The following SUCLG2 variants were observed in gnomAD, a reference collection of about 807,000 sequenced individuals.
SUCLG2 encodes succinate--CoA ligase [GDP-forming] subunit beta, mitochondrial.
In SUCLG2, 42 loss-of-function variants were observed where a neutral mutation model predicts 47.9. That is an observed-to-expected ratio of 0.88 (90% confidence interval 0.69 to 1.14). SUCLG2 has a LOEUF of 1.14. Among genes scored for constraint, SUCLG2 ranks in the 50% most tolerant of loss-of-function variants. The pLI is 0.00. For synonymous variants in SUCLG2, 195 were observed against 197.3 expected (o/e 0.99, Z 0.10); for missense variants, 571 against 525.9 (o/e 1.09, Z -0.84).
intron 1 of SUCLG2, among the ~76,000 whole-genome samples, chr3:67,654,116 T>C (rs1291856264): frequency 4.6e-5 from 7 of 152,220 alleles, no homozygotes; most frequent in Non-Finnish European, 1.0e-4. Flanking sequence ...TCAGGGTTAG[T>C]GCCAGAAGTT....
intron 2 of SUCLG2, among the ~76,000 whole-genome samples, chr3:67,608,101 C>T (rs1553668822): frequency 6.6e-6 from 1 of 152,184 alleles, no homozygotes; most frequent in Non-Finnish European, 1.5e-5. Context: ...TGCAGAATTA[C>T]AAAGCTGGTA....
In SUCLG2 at chr3:67,654,496, C is replaced by G. The variant is rs968413319; in HGVS notation, c.84+7G>C. ...CTGGCGCCCGCAGCTCCTGCCCCCA[C>G]GCTCACCTGGGACCCGGCCGCCAGG... On this transcript the variant is annotated splice_region_variant and intron_variant, in intron 1 of 10. Transcript: ENST00000307227. The G allele has an allele frequency of 6.5e-6, 8 of 1,236,452 alleles. No individual in the cohort carries two copies. The highest frequency in any genetic ancestry group is 8.1e-6 in the Non-Finnish European group (8 of 989,274). 76.6% of individuals were successfully genotyped at this position (1,236,452 alleles called of 1,614,324 possible).
intron 9 of SUCLG2, among the ~76,000 whole-genome samples, chr3:67,451,889 A>T (rs928784734): frequency 1.1e-4 from 16 of 152,194 alleles, no homozygotes; most frequent in South Asian, 1.0e-3. Context: ...CAATTTCCAT[A>T]GCCCAACCCC....
intron 2 of SUCLG2, among the ~76,000 whole-genome samples, chr3:67,605,108 G>A (rs1700384973): frequency 1.3e-5 from 2 of 152,100 alleles, no homozygotes; most frequent in African/African-American, 2.4e-5. Context: ...CTTTCTCAGT[G>A]TTAGACACAT....
At chr3:67,389,499 C>G (rs969367706) in intron 10 of SUCLG2, among the ~76,000 whole-genome samples, 2 of 152,170 alleles carry the variant, frequency 1.3e-5, no homozygotes, top group African/African-American at 2.4e-5. Flanking sequence ...CCAAAAATAT[C>G]TTGTCACAAA....
At chr3:67,510,735 G>C (rs953677692) in intron 6 of SUCLG2, among the ~76,000 whole-genome samples, 1 of 151,958 alleles carries the variant, frequency 6.6e-6, no homozygotes, top group South Asian at 2.1e-4. Context: ...ATGACCAACT[G>C]CATTGTTTCT....
chr3:67,497,490 T>A (rs1284782286), intron 8 of SUCLG2, among the ~76,000 whole-genome samples: 1 of 152,170 alleles, frequency 6.6e-6, no homozygotes. Flanking sequence ...TAGATGAGTG[T>A]GATAAAATCA....
At chr3:67,563,170 A>G (rs2107220079) in intron 2 of SUCLG2, among the ~76,000 whole-genome samples, 1 of 151,832 alleles carries the variant, frequency 6.6e-6, no homozygotes, top group Admixed American at 6.6e-5. Context: ...ATGTCCCAAT[A>G]CCACAGAATC....
chr3:67,498,910 G>A (rs1305941675), intron 7 of SUCLG2, among the ~76,000 whole-genome samples: 1 of 152,194 alleles, frequency 6.6e-6, no homozygotes, highest in African/African-American at 2.4e-5. Flanking sequence ...TTTGAACTGT[G>A]AGGGTCCACT....
chr3:67,393,638 A>G (rs965752658), intron 10 of SUCLG2, among the ~76,000 whole-genome samples: 1 of 152,226 alleles, frequency 6.6e-6, no homozygotes, highest in Admixed American at 6.5e-5. Context: ...GCAGACTTTA[A>G]TGTCCCTGTC....
At chr3:67,584,241 T>C (rs1490034947) in intron 2 of SUCLG2, among the ~76,000 whole-genome samples, 1 of 152,120 alleles carries the variant, frequency 6.6e-6, no homozygotes, top group Non-Finnish European at 1.5e-5. Flanking sequence ...ATTAATACAT[T>C]CAACAATATG....
chr3:67,394,961 C>A (rs138995802), intron 10 of SUCLG2, among the ~76,000 whole-genome samples: 8,068 of 152,128 alleles, frequency 0.053, 678 homozygotes, highest in African/African-American at 0.18. Context: ...ACTTTACAGA[C>A]AAGCAAATGC....
At chr3:67,545,576 G>A (rs1297568709) in intron 2 of SUCLG2, among the ~76,000 whole-genome samples, 1 of 152,224 alleles carries the variant, frequency 6.6e-6, no homozygotes, top group Non-Finnish European at 1.5e-5. Context: ...CCTGGAGGAT[G>A]AAACTGAGCA....
At chr3:67,407,392 C>A (rs554105712) in intron 9 of SUCLG2, among the ~76,000 whole-genome samples, 1 of 152,056 alleles carries the variant, frequency 6.6e-6, no homozygotes, top group South Asian at 2.1e-4. Context: ...ACAAAGGTAC[C>A]CAGGCAGTAG....
At chr3:67,562,859 G>T (rs971217319) in intron 2 of SUCLG2, among the ~76,000 whole-genome samples, 1 of 151,852 alleles carries the variant, frequency 6.6e-6, no homozygotes, top group Non-Finnish European at 1.5e-5. Context: ...CCTTATTAAG[G>T]CTAAAAAGTC....
intron 2 of SUCLG2, among the ~76,000 whole-genome samples, chr3:67,596,701 A>G (rs773325963): frequency 2.0e-5 from 3 of 152,178 alleles, no homozygotes; most frequent in South Asian, 4.1e-4. Context: ...CAGGTACTCA[A>G]TAACTGTTAA....
chr3:67,391,982 T>G (rs1702394893), intron 10 of SUCLG2, among the ~76,000 whole-genome samples: 1 of 152,200 alleles, frequency 6.6e-6, no homozygotes, highest in Non-Finnish European at 1.5e-5. Context: ...CTGCTGTCAT[T>G]GGAGACGTGG....
intron 2 of SUCLG2, among the ~76,000 whole-genome samples, chr3:67,594,050 C>A (rs1358898224): frequency 6.6e-6 from 1 of 152,208 alleles, no homozygotes; most frequent in Non-Finnish European, 1.5e-5. Context: ...ACCTAGCCCA[C>A]AAGTCCGAGG....
At chr3:67,492,311 A>C (rs1240175790) in intron 9 of SUCLG2, among the ~76,000 whole-genome samples, 1 of 152,190 alleles carries the variant, frequency 6.6e-6, no homozygotes, top group Non-Finnish European at 1.5e-5. Context: ...GTAAGTGAAC[A>C]CTAGGTGTTT....
Sources: gnomAD v4.1 joint callset for allele counts (sites outside exome capture counted in the v4.1 genomes callset) on GRCh38, gnomAD v4.1.1 for gene constraint, MANE v1.5 for transcripts, NCBI Gene and HGNC (gene_info 2026-07-23, HGNC 2026-07-21) for gene names.